INSR: variants seen among roughly 807,000 people sequenced by gnomAD.
INSR encodes the protein IR.
INSR carries 67 observed loss-of-function variants against 142.6 expected under a neutral mutation model. The observed-to-expected ratio is 0.47, with a 90% CI of 0.39 to 0.58. The LOEUF is 0.58. Among genes scored for constraint, INSR ranks in the 20% least tolerant of loss-of-function variants. The probability of loss-of-function intolerance (pLI) is 0.00; values close to 1 mark genes in which losing one functional copy is unlikely to be tolerated. For synonymous variants in INSR, 756 were observed against 743.1 expected, an observed-to-expected ratio of 1.02 and a Z score of -0.28; for missense variants, 1,248 against 1,833.2, an observed-to-expected ratio of 0.68 and a Z score of 5.83.
intron 2 of INSR, among the ~76,000 whole-genome samples, chr19:7,251,757 C>T (rs1389161167): frequency 6.6e-6 from 1 of 152,032 alleles, no homozygotes; most frequent in Non-Finnish European, 1.5e-5. Flanking sequence ...TACTATTTCT[C>T]AACCAGAGTT....
chr19:7,142,439 A>AATC (rs1973094186), intron 12 of INSR, among the ~76,000 whole-genome samples: 3 of 148,132 alleles, frequency 2.0e-5, no homozygotes, highest in African/African-American at 7.6e-5. Context: ...TCATGCCTGT[A>AATC]ATCCCAGCAC....
At chr19:7,143,311 C>T (rs1258414779) in intron 11 of INSR, among the ~76,000 whole-genome samples, 2 of 152,202 alleles carry the variant, frequency 1.3e-5, no homozygotes, top group Non-Finnish European at 2.9e-5. Flanking sequence ...AGGCCCACCT[C>T]GTGAGGGATG....
chr19:7,242,034 C>A (rs1186667331), intron 2 of INSR, among the ~76,000 whole-genome samples: 4 of 151,868 alleles, frequency 2.6e-5, no homozygotes, highest in Non-Finnish European at 5.9e-5. Flanking sequence ...CACCTGTAAT[C>A]CCAGCTGCTT....
intron 2 of INSR, among the ~76,000 whole-genome samples, chr19:7,193,767 G>T (rs887168045): frequency 8.6e-5 from 13 of 151,950 alleles, no homozygotes; most frequent in African/African-American, 2.9e-4. Flanking sequence ...TTGGTTCACC[G>T]TAACCTCCGC....
intron 2 of INSR, among the ~76,000 whole-genome samples, chr19:7,232,862 C>T (rs1600068943): frequency 6.6e-6 from 1 of 151,984 alleles, no homozygotes; most frequent in Non-Finnish European, 1.5e-5. Flanking sequence ...ACAGTAGCTA[C>T]AATAGGTCAC....
chr19:7,197,512 TGG>T (rs373159763), intron 2 of INSR, among the ~76,000 whole-genome samples: 28,031 of 100,762 alleles, frequency 0.28, 8,530 homozygotes, highest in East Asian at 0.41. Flanking sequence ...AGAGTGGGAG[TGG>T]GGGTGTGTGT....
chr19:7,204,440 T>TC (rs1391161584), intron 2 of INSR, among the ~76,000 whole-genome samples: 7 of 152,140 alleles, frequency 4.6e-5, no homozygotes, highest in African/African-American at 1.7e-4. Flanking sequence ...GGCCTCGTTT[T>TC]CCCGGGGGGC....
chr19:7,175,580 A>G (rs1303301042), intron 3 of INSR, among the ~76,000 whole-genome samples: 1 of 152,202 alleles, frequency 6.6e-6, no homozygotes, highest in Non-Finnish European at 1.5e-5. Flanking sequence ...CACGCCTGTA[A>G]TCCCAGCACT....
chr19:7,134,899 C>T (rs777476777), intron 13 of INSR, among the ~76,000 whole-genome samples: 9 of 151,786 alleles, frequency 5.9e-5, no homozygotes, highest in Non-Finnish European at 1.0e-4. Context: ...GTGATAAGCA[C>T]GTAACTAGAG....
intron 2 of INSR, among the ~76,000 whole-genome samples, chr19:7,231,505 T>A (rs1270822136): frequency 1.3e-5 from 2 of 152,032 alleles, no homozygotes; most frequent in Non-Finnish European, 2.9e-5. Flanking sequence ...TTCACCATGT[T>A]GGTCAGGCTG....
intron 2 of INSR, among the ~76,000 whole-genome samples, chr19:7,242,512 C>T (rs1976384555): frequency 6.6e-6 from 1 of 151,172 alleles, no homozygotes; most frequent in African/African-American, 2.5e-5. Flanking sequence ...AGGAGGAGGG[C>T]AGATCACTTG....
chr19:7,176,180 A>G (rs555980171), intron 3 of INSR, among the ~76,000 whole-genome samples: 63 of 152,220 alleles, frequency 4.1e-4, no homozygotes, highest in African/African-American at 1.2e-3. Flanking sequence ...GTAATCCCCA[A>G]TGTGGGAGGT....
At chr19:7,215,257 C>T (rs979510661) in intron 2 of INSR, among the ~76,000 whole-genome samples, 3 of 152,196 alleles carry the variant, frequency 2.0e-5, no homozygotes, top group Non-Finnish European at 4.4e-5. Context: ...AGGCCTTGCC[C>T]AGATGGTCAA....
At chr19:7,187,486 T>G (rs1974461471) in intron 2 of INSR, among the ~76,000 whole-genome samples, 1 of 152,232 alleles carries the variant, frequency 6.6e-6, no homozygotes, top group South Asian at 2.1e-4. Context: ...GTTTAAAATT[T>G]TTAAAAAGTT....
chr19:7,244,394 A>T (rs75909646), intron 2 of INSR, among the ~76,000 whole-genome samples: 41,928 of 151,684 alleles, frequency 0.28, 7,347 homozygotes, highest in African/African-American at 0.5. Flanking sequence ...TTAGCCGGGC[A>T]TGGTGGTGTG....
At chr19:7,177,637 C>G (rs1301086102) in intron 3 of INSR, among the ~76,000 whole-genome samples, 1 of 151,666 alleles carries the variant, frequency 6.6e-6, no homozygotes, top group Non-Finnish European at 1.5e-5. Flanking sequence ...AAGTGATTCT[C>G]CTGCCTCAGC....
chr19:7,135,997 G>T (rs186374494), intron 13 of INSR, among the ~76,000 whole-genome samples: 1 of 148,308 alleles, frequency 6.7e-6, no homozygotes, highest in Non-Finnish European at 1.5e-5. Context: ...TGAAAGAAAT[G>T]CCAAACTCTT....
intron 2 of INSR, among the ~76,000 whole-genome samples, chr19:7,186,173 T>C (rs1270617128): frequency 6.6e-6 from 1 of 152,064 alleles, no homozygotes; most frequent in African/African-American, 2.4e-5. Flanking sequence ...CCAGCCTTGG[T>C]GACAGAGGGA....
intron 2 of INSR, among the ~76,000 whole-genome samples, chr19:7,190,580 C>A (rs1009274183): frequency 6.6e-6 from 1 of 152,060 alleles, no homozygotes; most frequent in African/African-American, 2.4e-5. Flanking sequence ...CCACGTTGGC[C>A]AGGCTGGTCT....
Sources: allele counts gnomAD v4.1 joint callset (sites outside exome capture counted in the v4.1 genomes callset), GRCh38; gene constraint gnomAD v4.1.1; transcripts MANE v1.5; gene names NCBI Gene and HGNC (gene_info 2026-07-23, HGNC 2026-07-21).